CEP97: variants seen among roughly 807,000 people sequenced by gnomAD.
CEP97 encodes the protein centrosomal protein of 97 kDa.
In CEP97, 43 loss-of-function variants were observed where a neutral mutation model predicts 73.1. The ratio of observed to expected loss-of-function variants is 0.59; its 90% CI spans 0.46 to 0.76. The LOEUF is 0.76. Ranked by LOEUF, CEP97 falls within the 30% of genes least tolerant of loss-of-function variation. The pLI is 0.00. For synonymous variants in CEP97, 337 were observed against 370.0 expected, an observed-to-expected ratio of 0.91 and a Z score of 1.02; for missense variants, 939 against 1,014.0, an observed-to-expected ratio of 0.93 and a Z score of 1.00.
intron 6 of CEP97, among the ~76,000 whole-genome samples, chr3:101,735,107 A>G (rs1938232093): frequency 6.6e-6 from 1 of 152,214 alleles, no homozygotes; most frequent in African/African-American, 2.4e-5. Context: ...ATGATATTAT[A>G]TAAGGATAGA....
intron 3 of CEP97, 68 bp from the exon 4 acceptor site, chr3:101,728,768 G>T (rs766760478): frequency 1.1e-5 from 11 of 995,984 alleles, no homozygotes; most frequent in Admixed American, 7.1e-5. Flanking sequence ...CAGCTGCAAA[G>T]AACTAGGGAA....
intron 4 of CEP97, among the ~76,000 whole-genome samples, chr3:101,730,959 T>TC (rs1421678035): frequency 3.3e-5 from 5 of 151,672 alleles, no homozygotes; most frequent in African/African-American, 1.2e-4. Context: ...GATTGAATTT[T>TC]TTTTTTTTTT....
At chr3:101,730,381 T>C (rs1938069407) in intron 4 of CEP97, among the ~76,000 whole-genome samples, 1 of 152,108 alleles carries the variant, frequency 6.6e-6, no homozygotes, top group Non-Finnish European at 1.5e-5. Flanking sequence ...TTCTCCTGCC[T>C]CAGCCTCCTG....
chr3:101,748,129 CAAAAAAAAAAAAA>C (rs71625598), intron 6 of CEP97, among the ~76,000 whole-genome samples: 1 of 53,900 alleles, frequency 1.9e-5, no homozygotes, highest in African/African-American at 8.1e-5. Flanking sequence ...GACCTTGTCT[CAAAAAAAAAAAAA>C]AAAAAAAAAA....
rs961203878 is a variant in CEP97 at position 101,764,967 on chromosome 3, C to A, written c.2014C>A (p.Gln672Lys). Residue 672 changes from glutamine (Q) to lysine (K), a missense_variant, in exon 11 of 11, where the codon CAG (glutamine) becomes AAG (lysine). Transcript: ENST00000341893. ...PSKHPLFTQSQESSCDQNADW... is the reference protein window; with the variant it reads ...PSKHPLFTQSKESSCDQNADW... ...GAAACATCCATTATTTACCCAAAGCCAGGAGTCCTCTTGTGATCAAAATGC... is the reference window on the plus strand; with the variant it reads ...GAAACATCCATTATTTACCCAAAGCAAGGAGTCCTCTTGTGATCAAAATGC... The A allele has an allele frequency of 1.9e-6, 3 of 1,614,028 alleles. No individual in the cohort carries two copies. The highest frequency in any genetic ancestry group is 2.7e-5 in the African/African-American group (2 of 74,926).
rs191398302 is a variant in CEP97, at chr3:101,732,029, T to C, written c.561+76T>C. ...AAGACACAGGAGAGGGTTGTGAGCT[T>C]ACTTTTAGACTGTGAGCATCTTGGA... On this transcript the variant is annotated intron_variant, in intron 5 of 10. Coordinates refer to ENST00000341893, the MANE Select transcript of CEP97 (RefSeq NM_024548.4). 1.0e-4 allele frequency: 87 copies of C among 843,294 alleles called. No homozygotes were observed. In the African/African-American group the frequency reaches 1.2e-3, roughly 12 times the overall value. The allele number at this position is 843,294 out of a possible 1,614,324, so 52.2% of individuals were successfully genotyped here.
intron 6 of CEP97, among the ~76,000 whole-genome samples, chr3:101,746,958 G>A (rs1421004333): frequency 2.0e-5 from 3 of 149,410 alleles, no homozygotes; most frequent in Admixed American, 6.7e-5. Context: ...TCAGAGAAAT[G>A]CAAATCAAAA....
chr3:101,737,204 A>C (rs1052313935), intron 6 of CEP97, among the ~76,000 whole-genome samples: 2 of 152,234 alleles, frequency 1.3e-5, no homozygotes, highest in Non-Finnish European at 2.9e-5. Context: ...AAAAGACCAA[A>C]CTTAACGTTT....
At chr3:101,737,539 CA>C (rs1938315884) in intron 6 of CEP97, among the ~76,000 whole-genome samples, 1 of 152,176 alleles carries the variant, frequency 6.6e-6, no homozygotes, top group Non-Finnish European at 1.5e-5. Context: ...CGATATTCAA[CA>C]TTCTTAAAGA....
chr3:101,732,260 G>A (rs1938136574), intron 5 of CEP97, among the ~76,000 whole-genome samples: 1 of 152,168 alleles, frequency 6.6e-6, no homozygotes, highest in Non-Finnish European at 1.5e-5. Context: ...TTTCAAAATA[G>A]GGTTATTTCT....
intron 9 of CEP97, among the ~76,000 whole-genome samples, chr3:101,759,934 G>A (rs1371950658): frequency 1.4e-5 from 2 of 142,666 alleles, no homozygotes; most frequent in East Asian, 4.4e-4. Flanking sequence ...TAGATTAAAG[G>A]AACATTCTCT....
rs1286608319 is a variant in CEP97, at chr3:101,767,578, CTT to C, written c.*2032_*2033del. On this transcript the variant is annotated 3_prime_UTR_variant, in exon 11 of 11. Transcript: ENST00000341893. Reference sequence around the variant, plus strand: ...TCTGCTAAAATCCTCTCCCTCCTGTCTTTTTTAAGTTATGGAAAAACACAACT... The same window carrying C: ...TCTGCTAAAATCCTCTCCCTCCTGTCTTTTAAGTTATGGAAAAACACAACT... The C allele has an allele frequency of 6.6e-6, 1 of 152,136 alleles. No individual in the cohort carries two copies. The highest frequency in any genetic ancestry group is 2.4e-5 in the African/African-American group (1 of 41,438). 9.4% of individuals were successfully genotyped at this position (152,136 alleles called of 1,614,324 possible). A position where few individuals can be genotyped will look rare whatever the true frequency, so the allele number is the denominator to read the frequency against.
intron 6 of CEP97, among the ~76,000 whole-genome samples, chr3:101,733,983 C>T (rs1938199359): frequency 6.6e-6 from 1 of 152,168 alleles, no homozygotes; most frequent in South Asian, 2.1e-4. Flanking sequence ...TGTGCCACCA[C>T]ACCCAGCTAA....
At chr3:101,758,553 T>A in intron 9 of CEP97, 130 bp downstream of exon 9, 1 of 1,142,676 alleles carries the variant, frequency 8.8e-7, no homozygotes, top group Admixed American at 2.2e-5. Context: ...TTGCTTTGGT[T>A]GTCTCCTACA....
Position 101,769,725 on chromosome 3 carries a change from G to A in CEP97, c.*4174G>A, listed in dbSNP as rs1386342494. On this transcript the variant is annotated 3_prime_UTR_variant, in exon 11 of 11. Transcript: ENST00000341893. ...TAAAAGGTATTTATTGTGTCATAAT[G>A]TTTTAAATGTTAAATATATGATACC... is the stretch of plus-strand genomic sequence containing the variant. 1 of 152,122 alleles carries A rather than the reference G, an allele frequency of 6.6e-6. No homozygotes were observed. Among genetic ancestry groups the A allele is most frequent in the Non-Finnish European group, 1.5e-5 (1 of 68,018 alleles). 9.4% of individuals were successfully genotyped at this position (152,122 alleles called of 1,614,324 possible). A position where few individuals can be genotyped will look rare whatever the true frequency, so the allele number is the denominator to read the frequency against.
intron 6 of CEP97, among the ~76,000 whole-genome samples, chr3:101,742,662 C>T (rs1317610357): frequency 6.6e-6 from 1 of 151,422 alleles, no homozygotes; most frequent in Non-Finnish European, 1.5e-5. Flanking sequence ...TGCAGCAAAC[C>T]ACCATGGCAT....
chr3:101,745,277 C>T (rs952049344), intron 6 of CEP97, among the ~76,000 whole-genome samples: 21 of 152,034 alleles, frequency 1.4e-4, no homozygotes, highest in Admixed American at 7.9e-4. Context: ...TTTTAATTTT[C>T]AGAGATGGGG....
chr3:101,731,631 T>C (rs866196180), intron 4 of CEP97, among the ~76,000 whole-genome samples: 1 of 152,204 alleles, frequency 6.6e-6, no homozygotes, highest in Non-Finnish European at 1.5e-5. Context: ...TAAAATATCA[T>C]GAGCTTAGGA....
intron 1 of CEP97, among the ~76,000 whole-genome samples, chr3:101,725,805 C>T (rs187859661): frequency 9.3e-4 from 142 of 152,168 alleles, no homozygotes; most frequent in African/African-American, 3.4e-3. Context: ...GGCTACTTAA[C>T]TGTTAATAGC....
Sources: gnomAD v4.1 joint callset for allele counts (sites outside exome capture counted in the v4.1 genomes callset) on GRCh38, gnomAD v4.1.1 for gene constraint, MANE v1.5 for transcripts, NCBI Gene and HGNC (gene_info 2026-07-23, HGNC 2026-07-21) for gene names.